The following HERC4 variants were observed in gnomAD, a reference collection of about 807,000 sequenced individuals.
HERC4 encodes probable E3 ubiquitin-protein ligase HERC4.
HERC4 carries 28 observed loss-of-function variants against 124.3 expected under a neutral mutation model. That is an observed-to-expected ratio of 0.23 (90% CI 0.17 to 0.31). HERC4 has a LOEUF of 0.31. Ranked by LOEUF, HERC4 falls within the 10% of genes least tolerant of loss-of-function variation. The pLI is 1.00. For synonymous variants in HERC4, 407 were observed against 421.5 expected (o/e 0.97, Z 0.42); for missense variants, 713 against 1,229.3 (o/e 0.58, Z 6.28).
Position 67,922,795 on chromosome 10 carries a change from T to G in HERC4, c.*136A>C. The G allele has an allele frequency of 1.6e-6, 1 of 607,154 alleles. No homozygotes were observed. Among genetic ancestry groups the G allele is most frequent in the Non-Finnish European group, 2.8e-6 (1 of 351,696 alleles). 37.6% of individuals were successfully genotyped at this position (607,154 alleles called of 1,614,324 possible). A position where few individuals can be genotyped will look rare whatever the true frequency, so the allele number is the denominator to read the frequency against. On this transcript the variant is annotated 3_prime_UTR_variant, in exon 25 of 25. Transcript: ENST00000373700. Reference sequence around the variant, plus strand: ...TTCCTTTAATATTTTTTGGCTTCCATGAACACTCGTAGATTGAACATTCTG... The same window carrying G: ...TTCCTTTAATATTTTTTGGCTTCCAGGAACACTCGTAGATTGAACATTCTG...
At chr10:68,070,800 C>CG (rs2041536839) in intron 3 of HERC4, among the ~76,000 whole-genome samples, 4 of 147,298 alleles carry the variant, frequency 2.7e-5, no homozygotes, top group African/African-American at 8.0e-5. Flanking sequence ...GGATCAGGAC[C>CG]CCCCCCTTCT....
At chr10:67,953,861 C>A (rs1432362461) in intron 19 of HERC4, among the ~76,000 whole-genome samples, 3 of 152,260 alleles carry the variant, frequency 2.0e-5, no homozygotes, top group African/African-American at 7.2e-5. Flanking sequence ...CATTTTGCAA[C>A]CCCTGATGAA....
Position 67,936,134 on chromosome 10 carries a change from G to A in HERC4, c.2654+19C>T. The A allele has an allele frequency of 6.6e-7, 1 of 1,509,228 alleles. No homozygotes were observed. 93.5% of individuals were successfully genotyped at this position (1,509,228 alleles called of 1,614,324 possible). A position where few individuals can be genotyped will look rare whatever the true frequency, so the allele number is the denominator to read the frequency against. ...ACTGAATCTTATTACTCCCACTGTT[G>A]CTGCTAAAATTCACTTACCGATTTT... is the stretch of plus-strand genomic sequence containing the variant. On this transcript the variant is annotated intron_variant, in intron 22 of 24. Coordinates refer to ENST00000373700, the MANE Select transcript of HERC4 (RefSeq NM_015601.4).
rs746149175 is a variant in HERC4, at chr10:68,044,529, T to G, written c.261A>C (p.Val87=). ...QVVALDAQNI[V]AVSCGEAHTL... is the part of the protein sequence containing the mutation. ...TATGAGCTTCTCCACATGAAACAGC[T>G]ACAATATTTTGGGCATCCAGGGCAA... Residue 87 remains valine (V), a synonymous_variant, in exon 4 of 25, where the codon GTA becomes GTC. Transcript: ENST00000373700. 6.2e-7 allele frequency: 1 copy of G among 1,614,038 alleles called. No individual in the cohort carries two copies.
At chr10:68,062,927 T>C (rs1489851606) in intron 3 of HERC4, among the ~76,000 whole-genome samples, 1 of 152,158 alleles carries the variant, frequency 6.6e-6, no homozygotes, top group Non-Finnish European at 1.5e-5. Context: ...CCTTAATTTA[T>C]TTCTACAATC....
chr10:68,021,137 C>T (rs866800165), intron 8 of HERC4, among the ~76,000 whole-genome samples: 6 of 152,248 alleles, frequency 3.9e-5, no homozygotes, highest in Middle Eastern at 3.4e-3. Flanking sequence ...CAGAGACACA[C>T]AGTTCAATCA....
At chr10:68,014,241 A>G in intron 8 of HERC4, 55 bp from the exon 9 acceptor site, 2 of 1,414,148 alleles carry the variant, frequency 1.4e-6, no homozygotes, top group Non-Finnish European at 1.9e-6. Context: ...AACAATTTAC[A>G]ATGACAAAAG....
Position 68,061,796 on chromosome 10 carries a change from G to A in HERC4, c.226+11087C>T, listed in dbSNP as rs974316411. On this transcript the variant is annotated intron_variant, in intron 3 of 24. Coordinates refer to ENST00000373700, the MANE Select transcript of HERC4 (RefSeq NM_015601.4). Reference sequence around the variant, plus strand: ...CTTGAAAGGCTGAAGCAGGAGAATCGCTTGAACCTTGGAGGCGGAGGTTGC... The same window carrying A: ...CTTGAAAGGCTGAAGCAGGAGAATCACTTGAACCTTGGAGGCGGAGGTTGC... 8.4e-5 allele frequency among the ~76,000 whole-genome samples: 12 copies of A among 142,616 alleles called. No homozygotes were observed. The South Asian group carries it at 1.4e-3, about 16-fold the overall frequency. The allele number at this position is 142,616 out of a possible 152,430, so 93.6% of individuals were successfully genotyped here. A position where few individuals can be genotyped will look rare whatever the true frequency, so the allele number is the denominator to read the frequency against.
chr10:67,973,789 C>T (rs1032625891), intron 15 of HERC4, among the ~76,000 whole-genome samples: 6 of 152,118 alleles, frequency 3.9e-5, no homozygotes, highest in Non-Finnish European at 8.8e-5. Flanking sequence ...CACGGTGGCT[C>T]ATGCCTGTAA....
At chr10:68,039,209 G>A (rs374962215) in intron 4 of HERC4, among the ~76,000 whole-genome samples, 16 of 150,962 alleles carry the variant, frequency 1.1e-4, no homozygotes, top group South Asian at 6.3e-4. Context: ...CCAGCTACTC[G>A]GGAAGCTGAG....
chr10:67,971,801 C>T (rs2035250459), intron 15 of HERC4, among the ~76,000 whole-genome samples: 2 of 151,942 alleles, frequency 1.3e-5, no homozygotes, highest in South Asian at 4.2e-4. Flanking sequence ...ATAAAATATG[C>T]CAAGAAAATA....
At chr10:67,948,703 C>T (rs976396930) in intron 19 of HERC4, among the ~76,000 whole-genome samples, 2 of 147,384 alleles carry the variant, frequency 1.4e-5, no homozygotes, top group African/African-American at 2.5e-5. Context: ...GGGGAATAAC[C>T]TGAGGTCAGG....
chr10:68,059,618 AATATTATATATCATAATATTATATATT>A (rs1564608015), intron 3 of HERC4, among the ~76,000 whole-genome samples: 1 of 89,914 alleles, frequency 1.1e-5, no homozygotes, highest in Non-Finnish European at 1.8e-5. Context: ...TATATATCAT[AATATTATATATCATAATATTATATATT>A]ATATTATATA....
intron 9 of HERC4, among the ~76,000 whole-genome samples, chr10:68,012,794 T>C (rs186681443): frequency 9.9e-4 from 151 of 152,318 alleles, no homozygotes; most frequent in Admixed American, 2.3e-3. Context: ...AAACCTTCAA[T>C]TTGTAAAAAT....
In HERC4 at chr10:67,977,139, G is replaced by C. The variant is rs1449905926; in HGVS notation, c.1807-10337C>G. Among the ~76,000 whole-genome samples the C allele has an allele frequency of 2.0e-5, 3 of 152,284 alleles. No homozygotes were observed. The East Asian group carries it at 5.8e-4, about 29-fold the overall frequency. On this transcript the variant is annotated intron_variant, in intron 15 of 24. Coordinates refer to ENST00000373700, the MANE Select transcript of HERC4 (RefSeq NM_015601.4). ...GGCTGCACAGCTTGTGGCTCCAAAA[G>C]AGATCTTCTCCTTCCACTTGCGGAG...
chr10:67,922,817 T>A lies in HERC4; in HGVS notation c.*114A>T. 5.3e-6 allele frequency: 4 copies of A among 753,016 alleles called. No individual in the cohort carries two copies. Among genetic ancestry groups the A allele is most frequent in the Non-Finnish European group, 8.8e-6 (4 of 454,878 alleles). 46.6% of individuals were successfully genotyped at this position (753,016 alleles called of 1,614,324 possible). A position where few individuals can be genotyped will look rare whatever the true frequency, so the allele number is the denominator to read the frequency against. On this transcript the variant is annotated 3_prime_UTR_variant, in exon 25 of 25. Coordinates refer to ENST00000373700, the MANE Select transcript of HERC4 (RefSeq NM_015601.4). Reference sequence around the variant, plus strand: ...CCATGAACACTCGTAGATTGAACATTCTGCAAGTAAGAATTATAATAGTAC... The same window carrying A: ...CCATGAACACTCGTAGATTGAACATACTGCAAGTAAGAATTATAATAGTAC...
chr10:67,988,028 C>A (rs1030917944), intron 15 of HERC4: 1 of 152,096 alleles, frequency 6.6e-6, no homozygotes, highest in Non-Finnish European at 1.5e-5. Flanking sequence ...AATGGCATAA[C>A]AGAGGTATAC....
At chr10:67,984,878 C>T (rs1039062695) in intron 15 of HERC4, among the ~76,000 whole-genome samples, 3 of 152,040 alleles carry the variant, frequency 2.0e-5, no homozygotes, top group Non-Finnish European at 2.9e-5. Context: ...AGTGAACCAC[C>T]GCACCCGGCC....
rs1401639985 is a variant in HERC4 at position 67,990,317 on chromosome 10, A to G, written c.1527T>C (p.Thr509=). 1 of 1,612,806 alleles carries G rather than the reference A, an allele frequency of 6.2e-7. No individual in the cohort carries two copies. The highest frequency in any genetic ancestry group is 8.5e-7 in the Non-Finnish European group (1 of 1,179,126). ...PDVEALRFYL[T]LPECPLMSDS... Reference sequence around the variant, plus strand: ...CACTCATCAGGGGACATTCTGGTAGAGTAAGATAAAACCTCAATGCTTCAA... The same window carrying G: ...CACTCATCAGGGGACATTCTGGTAGGGTAAGATAAAACCTCAATGCTTCAA... Residue 509 remains threonine, a synonymous_variant, in exon 14 of 25, where the codon ACT becomes ACC. Transcript: ENST00000373700.
Sources: allele counts gnomAD v4.1 joint callset (sites outside exome capture counted in the v4.1 genomes callset), GRCh38; gene constraint gnomAD v4.1.1; transcripts MANE v1.5; gene names NCBI Gene and HGNC (gene_info 2026-07-23, HGNC 2026-07-21).